CRISP1: variants seen among roughly 807,000 people sequenced by gnomAD.
CRISP1 encodes cysteine-rich secretory protein 1.
Under a neutral mutation model 33.1 loss-of-function variants are expected in CRISP1, and 44 were observed. The observed-to-expected ratio is 1.33, with a 90% CI of 1.05 to 1.71. The LOEUF is 1.71. CRISP1 is among the 40% of genes most tolerant of loss of function. The probability of loss-of-function intolerance (pLI) is 0.00; values close to 1 mark genes in which losing one functional copy is unlikely to be tolerated. For synonymous variants in CRISP1, 103 were observed against 98.7 expected (o/e 1.04, Z -0.26); for missense variants, 390 against 301.2 (o/e 1.29, Z -2.18).
chr6:49,868,952 T>C (rs1771862159), upstream of CRISP1, among the ~76,000 whole-genome samples: 1 of 152,170 alleles, frequency 6.6e-6, no homozygotes, highest in Non-Finnish European at 1.5e-5. Context: ...CCCTTTGAAA[T>C]TTCCCCCCTC....
chr6:49,853,376 T>G (rs1355941366), intron 2 of CRISP1, among the ~76,000 whole-genome samples: 2 of 152,178 alleles, frequency 1.3e-5, no homozygotes. Context: ...GGAAATTGGG[T>G]TTCCTGAAAC....
chr6:49,845,007 G>A (rs1198866241), intron 5 of CRISP1, among the ~76,000 whole-genome samples: 3 of 152,068 alleles, frequency 2.0e-5, no homozygotes, highest in East Asian at 3.9e-4. Context: ...GGGATGGAAC[G>A]AATCTATTTT....
intron 2 of CRISP1, among the ~76,000 whole-genome samples, chr6:49,854,239 C>T (rs1771431840): frequency 1.3e-5 from 2 of 152,168 alleles, no homozygotes; most frequent in African/African-American, 2.4e-5. Flanking sequence ...CTCAATTCTC[C>T]AACAGTGTTA....
chr6:49,861,943 A>G (rs1771664955), intron 1 of CRISP1, among the ~76,000 whole-genome samples: 2 of 152,068 alleles, frequency 1.3e-5, no homozygotes, highest in Admixed American at 6.6e-5. Flanking sequence ...CACATCTAAC[A>G]TCACACTAAA....
chr6:49,838,665 T>C (rs918350373), intron 6 of CRISP1, 140 bp from the exon 7 acceptor site: 11 of 605,206 alleles, frequency 1.8e-5, no homozygotes, highest in Admixed American at 9.8e-5. Flanking sequence ...AAGATGGGTG[T>C]GAGATTTCCA....
chr6:49,866,104 A>G (rs1334660119), intron 1 of CRISP1, among the ~76,000 whole-genome samples: 1 of 152,164 alleles, frequency 6.6e-6, no homozygotes, highest in Non-Finnish European at 1.5e-5. Context: ...TTGTGAAATA[A>G]AAGATGCCTA....
intron 1 of CRISP1, among the ~76,000 whole-genome samples, chr6:49,875,632 T>C (rs1251731102): frequency 2.0e-5 from 3 of 152,146 alleles, no homozygotes. Flanking sequence ...GGCATCACTC[T>C]ACCCAACTTC....
chr6:49,875,937 A>C (rs939030064), intron 1 of CRISP1, among the ~76,000 whole-genome samples: 2 of 152,150 alleles, frequency 1.3e-5, no homozygotes, highest in African/African-American at 4.8e-5. Flanking sequence ...CCCAAACTAC[A>C]AAAACCCTAA....
chr6:49,837,799 C>T (rs1035714041), intron 7 of CRISP1, among the ~76,000 whole-genome samples: 2 of 151,414 alleles, frequency 1.3e-5, no homozygotes, highest in Non-Finnish European at 2.9e-5. Flanking sequence ...ATTATGTTTG[C>T]AGGTAGGCTT....
At position 49,846,610 on chromosome 6, in the gene CRISP1, T is replaced by G. The variant is rs1771180386; in HGVS notation, c.345A>C (p.Val115=). Residue 115 remains valine, a synonymous_variant, in exon 5 of 8, where the codon GTA becomes GTC. Coordinates refer to ENST00000335847, the MANE Select transcript of CRISP1 (RefSeq NM_001131.3). ...TAGACTCACTGTACCAGACTCCAATTACACTTGACCATGATACAGGATAAG... is the reference window on the plus strand; with the variant it reads ...TAGACTCACTGTACCAGACTCCAATGACACTTGACCATGATACAGGATAAG... ...MTSYPVSWSS[V]IGVWYSESTS... The G allele has an allele frequency of 6.2e-7, 1 of 1,613,466 alleles. No homozygotes were observed. The highest frequency in any genetic ancestry group is 8.5e-7 in the Non-Finnish European group (1 of 1,179,658).
chr6:49,869,097 G>A (rs981356241), upstream of CRISP1, among the ~76,000 whole-genome samples: 5 of 152,092 alleles, frequency 3.3e-5, no homozygotes, highest in East Asian at 7.7e-4. Context: ...CAATAAATGT[G>A]GTCTCTTGGT....
upstream of CRISP1, among the ~76,000 whole-genome samples, chr6:49,867,067 T>G (rs1771816650): frequency 6.6e-6 from 1 of 152,154 alleles, no homozygotes; most frequent in African/African-American, 2.4e-5. Flanking sequence ...GGGAGAATTC[T>G]AATAGAGATT....
At chr6:49,853,093 A>C (rs1771399770) in intron 2 of CRISP1, among the ~76,000 whole-genome samples, 1 of 152,082 alleles carries the variant, frequency 6.6e-6, no homozygotes, top group South Asian at 2.1e-4. Context: ...GAAAACTTAA[A>C]TATGGAATTC....
chr6:49,846,039 A>C (rs1771155270), intron 5 of CRISP1, among the ~76,000 whole-genome samples: 1 of 152,170 alleles, frequency 6.6e-6, no homozygotes, highest in Admixed American at 6.5e-5. Flanking sequence ...GTTTGGGAAA[A>C]TGAAAATATT....
At chr6:49,844,163 C>G (rs541768053) in intron 5 of CRISP1, among the ~76,000 whole-genome samples, 2 of 152,214 alleles carry the variant, frequency 1.3e-5, no homozygotes, top group East Asian at 3.9e-4. Flanking sequence ...AAAGAGAATC[C>G]TAAGGATGTC....
intron 1 of CRISP1, 100 bp downstream of exon 1, chr6:49,866,329 T>A (rs1281613994): frequency 1.3e-5 from 2 of 152,216 alleles, no homozygotes; most frequent in African/African-American, 4.8e-5. Context: ...AATAAAACTT[T>A]GCATGTAATC....
rs1332265692 is a variant in CRISP1 at position 49,851,981 on chromosome 6, T to C, written c.195+20A>G. ...ATTACTATTATTGCAATCATGGTTG[T>C]TGCTATTTTTTGATCTTACCATCTT... On this transcript the variant is annotated intron_variant, in intron 3 of 7. Coordinates refer to ENST00000335847, the MANE Select transcript of CRISP1 (RefSeq NM_001131.3). 8 of 1,599,586 alleles carry C rather than the reference T, an allele frequency of 5.0e-6. No homozygotes were observed. The African/African-American group carries it at 1.1e-4, about 22-fold the overall frequency.
intron 3 of CRISP1, 122 bp downstream of exon 3, chr6:49,851,879 T>C (rs1395173863): frequency 7.1e-6 from 8 of 1,132,582 alleles, no homozygotes; most frequent in Non-Finnish European, 9.8e-6. Flanking sequence ...TCTTCTGCTA[T>C]GTAAAAGATT....
At chr6:49,847,010 A>G (rs1771196576) in intron 4 of CRISP1, among the ~76,000 whole-genome samples, 1 of 152,162 alleles carries the variant, frequency 6.6e-6, no homozygotes, top group Admixed American at 6.5e-5. Flanking sequence ...AGGAAGCTAC[A>G]CACAGGTGTT....
Sources: gnomAD v4.1 joint callset for allele counts (sites outside exome capture counted in the v4.1 genomes callset) on GRCh38, gnomAD v4.1.1 for gene constraint, MANE v1.5 for transcripts, NCBI Gene and HGNC (gene_info 2026-07-23, HGNC 2026-07-21) for gene names.